GALC: variants seen among roughly 807,000 people sequenced by gnomAD.
The protein encoded by GALC is galactocerebrosidase.
Under a neutral mutation model 91.8 loss-of-function variants are expected in GALC, and 77 were observed. The observed-to-expected ratio is 0.84, with a 90% CI of 0.70 to 1.01. The LOEUF (loss-of-function observed/expected upper bound fraction) is 1.01. GALC is among the 50% of genes least tolerant of loss of function. The pLI, the probability that GALC is intolerant of heterozygous loss-of-function variation, is 0.00. For missense variants in GALC, 882 were observed against 855.9 expected, an observed-to-expected ratio of 1.03 and a Z score of -0.38; for synonymous variants, 357 against 306.7, an observed-to-expected ratio of 1.16 and a Z score of -1.71.
At chr14:87,966,265 AT>A (rs1886049507) in intron 8 of GALC, among the ~76,000 whole-genome samples, 1 of 152,182 alleles carries the variant, frequency 6.6e-6, no homozygotes, top group Non-Finnish European at 1.5e-5. Context: ...CACTTCATCT[AT>A]AAGTAGTAAT....
At chr14:87,957,752 T>C (rs1264667383) in intron 10 of GALC, among the ~76,000 whole-genome samples, 1 of 152,098 alleles carries the variant, frequency 6.6e-6, no homozygotes, top group African/African-American at 2.4e-5. Flanking sequence ...AATAACTCAA[T>C]CTCTTTTAGA....
At chr14:87,985,160 TA>T (rs1235094980) in intron 4 of GALC, among the ~76,000 whole-genome samples, 2 of 151,996 alleles carry the variant, frequency 1.3e-5, no homozygotes, top group Non-Finnish European at 2.9e-5. Context: ...TATGTTTAAG[TA>T]AAAAAATAAG....
rs1238685588 is a variant in GALC at position 87,934,348 on chromosome 14, A to G, written c.*384T>C. The G allele has an allele frequency of 8.7e-6, 11 of 1,269,964 alleles. No individual in the cohort carries two copies. The highest frequency in any genetic ancestry group is 1.0e-6 in the Non-Finnish European group (1 of 999,526). The allele number at this position is 1,269,964 out of a possible 1,614,324, so 78.7% of individuals were successfully genotyped here. On this transcript the variant is annotated 3_prime_UTR_variant, in exon 17 of 17. Coordinates refer to ENST00000261304, the MANE Select transcript of GALC (RefSeq NM_000153.4). The stretch of plus-strand genomic sequence containing the variant: ...TCACTTGGACACACGGTCAGCATGC[A>G]TAAATACATCTCAGTGATGATCAAG...
At chr14:87,980,808 A>G (rs1242131960) in intron 6 of GALC, among the ~76,000 whole-genome samples, 1 of 152,250 alleles carries the variant, frequency 6.6e-6, no homozygotes, top group Admixed American at 6.5e-5. Flanking sequence ...TCCTTATATT[A>G]TAACCATACA....
chr14:87,945,422 TA>T lies in GALC; in HGVS notation c.1670+130del, dbSNP rs1885030464. The T allele has an allele frequency of 5.3e-6, 4 of 757,668 alleles. No homozygotes were observed. The East Asian group carries it at 1.0e-4, about 19-fold the overall frequency. 46.9% of individuals were successfully genotyped at this position (757,668 alleles called of 1,614,324 possible). ...CATCACCATACTATTCAACAACCCT[TA>T]ATATTACATATTACACATCTATTAG... is the stretch of plus-strand genomic sequence containing the variant. On this transcript the variant is annotated intron_variant, in intron 14 of 16. Coordinates refer to ENST00000261304, the MANE Select transcript of GALC (RefSeq NM_000153.4).
At chr14:87,936,916 A>ATATATATATATATATT (rs1431339979) in intron 16 of GALC, among the ~76,000 whole-genome samples, 6 of 139,556 alleles carry the variant, frequency 4.3e-5, no homozygotes, top group African/African-American at 1.7e-4. Flanking sequence ...ATATATATTT[A>ATATATATATATATATT]TTTATTTTCT....
chr14:87,955,175 TAA>T, intron 10 of GALC: 1 of 1,293,994 alleles, frequency 7.7e-7, no homozygotes, highest in Admixed American at 1.7e-5. Context: ...CCTGACACTG[TAA>T]AGCATGGAGC....
intron 6 of GALC, chr14:87,980,505 C>A: frequency 1.0e-6 from 1 of 982,398 alleles, no homozygotes; most frequent in Non-Finnish European, 1.2e-6. Context: ...ATCCCTTTAC[C>A]TCTCAATCTT....
intron 10 of GALC, among the ~76,000 whole-genome samples, chr14:87,956,216 A>T (rs971413906): frequency 3.3e-5 from 5 of 152,048 alleles, no homozygotes; most frequent in African/African-American, 1.2e-4. Context: ...GACTGTGGAT[A>T]TGCCCAAAAC....
In GALC at chr14:87,952,692, G is replaced by C. The variant is rs555819064; in HGVS notation, c.1162-1944C>G. On this transcript the variant is annotated intron_variant, in intron 10 of 16. Coordinates refer to ENST00000261304, the MANE Select transcript of GALC (RefSeq NM_000153.4). ...AAACTATGAAGTCCCAGAATCTATT[G>C]GTCTCCAGATCTTAGTGGTCATTTC... The C allele has an allele frequency of 4.6e-6, 7 of 1,507,390 alleles. No individual in the cohort carries two copies. In the African/African-American group the frequency reaches 9.6e-5, roughly 21 times the overall value. The allele number at this position is 1,507,390 out of a possible 1,614,324, so 93.4% of individuals were successfully genotyped here.
At chr14:87,978,586 A>G (rs954206482) in intron 6 of GALC, among the ~76,000 whole-genome samples, 2 of 152,206 alleles carry the variant, frequency 1.3e-5, no homozygotes, top group African/African-American at 4.8e-5. Context: ...TTTATCTAAC[A>G]TATTTTCAGA....
At chr14:87,937,516 T>G (rs1040623537) in intron 16 of GALC, among the ~76,000 whole-genome samples, 24 of 151,786 alleles carry the variant, frequency 1.6e-4, no homozygotes, top group Non-Finnish European at 3.1e-4. Context: ...GTGAGGTGGG[T>G]GCAAGCCAGC....
intron 7 of GALC, among the ~76,000 whole-genome samples, chr14:87,970,462 G>A (rs902148931): frequency 6.6e-6 from 1 of 152,000 alleles, no homozygotes; most frequent in Non-Finnish European, 1.5e-5. Flanking sequence ...TTCAGAAAAT[G>A]ATGAAACTGT....
At chr14:87,988,663 G>T in intron 1 of GALC, 140 bp from the exon 2 acceptor site, 1 of 726,750 alleles carries the variant, frequency 1.4e-6, no homozygotes, top group East Asian at 2.5e-5. Flanking sequence ...CTCACAAGTT[G>T]TCTGTCTGCC....
chr14:87,977,774 C>G (rs552048007), intron 6 of GALC, among the ~76,000 whole-genome samples: 1 of 152,120 alleles, frequency 6.6e-6, no homozygotes, highest in Non-Finnish European at 1.5e-5. Flanking sequence ...TCTTTTAGGA[C>G]GCAAATAATA....
intron 10 of GALC, chr14:87,954,235 A>G: frequency 6.5e-7 from 1 of 1,539,632 alleles, no homozygotes; most frequent in Non-Finnish European, 9.0e-7. Context: ...AACAGTATAG[A>G]CTTTATAGAA....
At chr14:87,937,395 C>A (rs572559356) in intron 16 of GALC, among the ~76,000 whole-genome samples, 2 of 150,820 alleles carry the variant, frequency 1.3e-5, no homozygotes, top group Admixed American at 1.3e-4. Context: ...TGACAGACTA[C>A]TTTAGTGCAG....
At chr14:87,938,399 G>C (rs1884685289) in intron 16 of GALC, among the ~76,000 whole-genome samples, 1 of 151,980 alleles carries the variant, frequency 6.6e-6, no homozygotes, top group East Asian at 1.9e-4. Flanking sequence ...AAGCAAGGGA[G>C]TAGCTGTATC....
intron 12 of GALC, among the ~76,000 whole-genome samples, 195 bp downstream of exon 12, chr14:87,949,650 G>A (rs1312925950): frequency 6.6e-6 from 1 of 151,924 alleles, no homozygotes; most frequent in Non-Finnish European, 1.5e-5. Context: ...TCTCAAATGG[G>A]ACTTAAATTT....
Sources: allele counts gnomAD v4.1 joint callset (sites outside exome capture counted in the v4.1 genomes callset), GRCh38; gene constraint gnomAD v4.1.1; transcripts MANE v1.5; gene names NCBI Gene and HGNC (gene_info 2026-07-23, HGNC 2026-07-21).